The following GBF1 variants were observed in gnomAD, a reference collection of about 807,000 sequenced individuals.
GBF1 encodes the protein Golgi-specific brefeldin A-resistance guanine nucleotide exchange factor 1.
A neutral mutation model predicts 210.5 loss-of-function variants in GBF1; 114 were observed. The ratio of observed to expected loss-of-function variants is 0.54; its 90% CI spans 0.47 to 0.63. The LOEUF is 0.63. Among genes scored for constraint, GBF1 ranks in the 30% least tolerant of loss-of-function variants. The probability of loss-of-function intolerance (pLI) is 0.00; values close to 1 mark genes in which losing one functional copy is unlikely to be tolerated. For missense variants in GBF1, 1,851 were observed against 2,357.7 expected, an observed-to-expected ratio of 0.79 and a Z score of 4.45; for synonymous variants, 850 against 889.2, an observed-to-expected ratio of 0.96 and a Z score of 0.78.
intron 1 of GBF1, among the ~76,000 whole-genome samples, chr10:102,250,184 G>A (rs1003999005): frequency 1.3e-5 from 2 of 152,162 alleles, no homozygotes; most frequent in Non-Finnish European, 2.9e-5. Flanking sequence ...GAATTTATTT[G>A]CTAGTTGGAT....
At chr10:102,369,668 C>T (rs774854858) in intron 24 of GBF1, 43 bp from the exon 25 acceptor site, 29 of 1,578,916 alleles carry the variant, frequency 1.8e-5, no homozygotes, top group Non-Finnish European at 2.5e-5. Context: ...GGCACAAATG[C>T]AAAGGACACA....
At chr10:102,352,120 A>C (rs1210171927) in intron 6 of GBF1, among the ~76,000 whole-genome samples, 169 bp downstream of exon 6, 1 of 152,222 alleles carries the variant, frequency 6.6e-6, no homozygotes, top group Non-Finnish European at 1.5e-5. Context: ...TTGTGAAGCT[A>C]GAATAGAGAC....
At chr10:102,232,343 G>A in the GBF1 span, among the ~76,000 whole-genome samples, 1 of 152,180 alleles carries the variant, frequency 6.6e-6, no homozygotes, top group Admixed American at 6.5e-5. Flanking sequence ...AACTAGAACT[G>A]TGCCAGGTAT....
At chr10:102,379,478 G>C in intron 34 of GBF1, 43 bp from the exon 35 acceptor site, 2 of 1,614,004 alleles carry the variant, frequency 1.2e-6, no homozygotes, top group Non-Finnish European at 1.7e-6. Flanking sequence ...GGAGCATCAG[G>C]ATCAAGATGC....
At position 102,362,636 on chromosome 10, in the gene GBF1, A is replaced by T. The variant is rs764208279; in HGVS notation, c.1848A>T (p.Ile616=). The change falls in exon 15 of 40, where the codon ATA becomes ATT. Residue 616 remains isoleucine, a synonymous_variant. Coordinates refer to ENST00000369983, the MANE Select transcript of GBF1 (RefSeq NM_001377137.1). ...AGACAGCCAGACCAAGCTGTGAGAT[A>T]GTAGATGGCACCCGAGAAGCTAGCA... ...KKETARPSCE[I]VDGTREASNT... The T allele has an allele frequency of 3.7e-6, 6 of 1,614,042 alleles. No homozygotes were observed. Among genetic ancestry groups the T allele is most frequent in the Non-Finnish European group, 5.1e-6 (6 of 1,179,984 alleles).
At chr10:102,232,479 TCG>T in the GBF1 span, among the ~76,000 whole-genome samples, 15 of 152,258 alleles carry the variant, frequency 9.9e-5, no homozygotes, top group African/African-American at 3.6e-4. Context: ...GGTCAGGAGT[TCG>T]AGACCAGCCT....
At chr10:102,342,946 A>G (rs184209759) in intron 3 of GBF1, among the ~76,000 whole-genome samples, 2 of 152,154 alleles carry the variant, frequency 1.3e-5, no homozygotes, top group Admixed American at 6.5e-5. Context: ...GGGTTTTACA[A>G]GTTTTAAAAC....
At chr10:102,239,404 C>A in the GBF1 span, among the ~76,000 whole-genome samples, 1 of 152,240 alleles carries the variant, frequency 6.6e-6, no homozygotes, top group African/African-American at 2.4e-5. Flanking sequence ...CAGAGTCCTT[C>A]ATTTCACCTA....
chr10:102,338,710 G>A (rs1463313930), intron 3 of GBF1, among the ~76,000 whole-genome samples: 1 of 151,914 alleles, frequency 6.6e-6, no homozygotes, highest in African/African-American at 2.4e-5. Flanking sequence ...ACTTTGGTAG[G>A]CCAAGGCAGG....
chr10:102,313,791 AG>A (rs1160042890), intron 3 of GBF1, among the ~76,000 whole-genome samples: 1 of 152,216 alleles, frequency 6.6e-6, no homozygotes, highest in Non-Finnish European at 1.5e-5. Context: ...GAATACAGCT[AG>A]GCAGAATCAG....
chr10:102,276,626 G>T (rs974757292), intron 3 of GBF1, among the ~76,000 whole-genome samples: 1 of 152,124 alleles, frequency 6.6e-6, no homozygotes, highest in Non-Finnish European at 1.5e-5. Context: ...TTAGAGAATG[G>T]GAGATGGTGC....
chr10:102,362,015 C>A, intron 14 of GBF1, 103 bp downstream of exon 14: 1 of 485,342 alleles, frequency 2.1e-6, no homozygotes, highest in Non-Finnish European at 3.5e-6. Flanking sequence ...CACTTGAGAG[C>A]TGGGAAATAG....
chr10:102,351,238 C>T lies in GBF1; in HGVS notation c.296-18C>T. 2 of 1,330,366 alleles carry T rather than the reference C, an allele frequency of 1.5e-6. No homozygotes were observed. Among genetic ancestry groups the T allele is most frequent in the Non-Finnish European group, 2.2e-6 (2 of 920,768 alleles). The allele number at this position is 1,330,366 out of a possible 1,614,324, so 82.4% of individuals were successfully genotyped here. ...CTCCTCTCCACATCACTTAATCTTT[C>T]CTTTTTCGCTGGAGCAGATCCCACC... is the stretch of plus-strand genomic sequence containing the variant. On this transcript the variant is annotated intron_variant, in intron 4 of 39. Transcript: ENST00000369983.
intron 4 of GBF1, among the ~76,000 whole-genome samples, chr10:102,346,985 T>G (rs756365246): frequency 3.3e-5 from 5 of 152,220 alleles, no homozygotes; most frequent in Non-Finnish European, 5.9e-5. Flanking sequence ...AGGCCAAATA[T>G]TTCCCTTAAT....
chr10:102,361,993 CAG>C (rs2059630083), intron 14 of GBF1, 81 bp downstream of exon 14: 1 of 641,964 alleles, frequency 1.6e-6, no homozygotes, highest in Admixed American at 3.5e-5. Flanking sequence ...ATGTTACATA[CAG>C]AGAGGGGAAC....
At chr10:102,327,711 A>G (rs1299573568) in intron 3 of GBF1, among the ~76,000 whole-genome samples, 2 of 152,262 alleles carry the variant, frequency 1.3e-5, no homozygotes, top group Non-Finnish European at 2.9e-5. Flanking sequence ...TAAAGTGGTC[A>G]TCCGTCACAA....
chr10:102,236,037 G>A, the GBF1 span, among the ~76,000 whole-genome samples: 1 of 152,172 alleles, frequency 6.6e-6, no homozygotes, highest in African/African-American at 2.4e-5. Context: ...TGAAACTGAA[G>A]AGAGAAGGAA....
intron 3 of GBF1, among the ~76,000 whole-genome samples, chr10:102,337,604 C>G (rs148339700): frequency 6.6e-6 from 1 of 152,094 alleles, no homozygotes; most frequent in Non-Finnish European, 1.5e-5. Flanking sequence ...GTAATCACAG[C>G]ACTTTGGGAG....
intron 3 of GBF1, among the ~76,000 whole-genome samples, chr10:102,335,974 G>T (rs1424022080): frequency 3.9e-5 from 6 of 152,152 alleles, no homozygotes; most frequent in Middle Eastern, 3.4e-3. Flanking sequence ...GTCAAAGGTA[G>T]AATTTTTATA....
Sources: gnomAD v4.1 joint callset for allele counts (sites outside exome capture counted in the v4.1 genomes callset) on GRCh38, gnomAD v4.1.1 for gene constraint, MANE v1.5 for transcripts, NCBI Gene and HGNC (gene_info 2026-07-23, HGNC 2026-07-21) for gene names.